MDGA2: variants seen among roughly 807,000 people sequenced by gnomAD.
The protein encoded by MDGA2 is MAM domain-containing glycosylphosphatidylinositol anchor protein 2.
A neutral mutation model predicts 117.8 loss-of-function variants in MDGA2; 40 were observed. That is an observed-to-expected ratio of 0.34 (90% confidence interval 0.26 to 0.44). The LOEUF is 0.44. Ranked by LOEUF, MDGA2 falls within the 20% of genes least tolerant of loss-of-function variation. The probability of loss-of-function intolerance (pLI) is 1.00; values close to 1 mark genes in which losing one functional copy is unlikely to be tolerated. For missense variants in MDGA2, 1,123 were observed against 1,250.6 expected, an observed-to-expected ratio of 0.90 and a Z score of 1.54; for synonymous variants, 452 against 439.0, an observed-to-expected ratio of 1.03 and a Z score of -0.37.
At chr14:47,139,359 G>A (rs1028455663) in intron 4 of MDGA2, among the ~76,000 whole-genome samples, 1 of 151,976 alleles carries the variant, frequency 6.6e-6, no homozygotes, top group Non-Finnish European at 1.5e-5. Context: ...TCCACCTTGA[G>A]TGCTCCCTCC....
At chr14:47,288,595 T>C (rs1196598407) in intron 2 of MDGA2, among the ~76,000 whole-genome samples, 1 of 152,144 alleles carries the variant, frequency 6.6e-6, no homozygotes, top group Non-Finnish European at 1.5e-5. Flanking sequence ...GGCCAGGTTG[T>C]AGAAGATAAT....
At chr14:47,416,188 C>T (rs1012459333) in intron 1 of MDGA2, among the ~76,000 whole-genome samples, 1 of 152,038 alleles carries the variant, frequency 6.6e-6, no homozygotes, top group Admixed American at 6.6e-5. Flanking sequence ...TATACTTCAT[C>T]CTGAGGGAAA....
intron 1 of MDGA2, among the ~76,000 whole-genome samples, chr14:47,663,629 C>A (rs1216327256): frequency 6.6e-6 from 1 of 152,154 alleles, no homozygotes; most frequent in East Asian, 1.9e-4. Flanking sequence ...TCAGTTAATT[C>A]TAATTTAAAA....
intron 14 of MDGA2, among the ~76,000 whole-genome samples, chr14:46,870,544 G>C (rs898758349): frequency 3.3e-5 from 5 of 151,884 alleles, no homozygotes; most frequent in Non-Finnish European, 5.9e-5. Context: ...TCAATGTCTG[G>C]ACCAGGTATT....
intron 1 of MDGA2, among the ~76,000 whole-genome samples, chr14:47,355,525 C>T (rs375168120): frequency 2.6e-5 from 4 of 151,998 alleles, no homozygotes; most frequent in South Asian, 2.1e-4. Flanking sequence ...TGTTTTATGG[C>T]CCTGTACCAG....
intron 8 of MDGA2, among the ~76,000 whole-genome samples, chr14:46,981,376 C>T (rs188248210): frequency 3.2e-4 from 48 of 152,030 alleles, no homozygotes; most frequent in African/African-American, 1.2e-3. Flanking sequence ...TGCACTCCAG[C>T]CTGGGTGACA....
At chr14:47,583,876 C>T (rs558833000) in intron 1 of MDGA2, among the ~76,000 whole-genome samples, 85 of 151,782 alleles carry the variant, frequency 5.6e-4, no homozygotes, top group South Asian at 1.5e-3. Flanking sequence ...ACTTTAAATC[C>T]ACATAATCCT....
chr14:47,017,178 T>G (rs1444404325), intron 8 of MDGA2, among the ~76,000 whole-genome samples: 1 of 151,856 alleles, frequency 6.6e-6, no homozygotes, highest in Non-Finnish European at 1.5e-5. Context: ...AACATTTTCC[T>G]GACTTCATGC....
chr14:47,306,453 C>T (rs1889447709), intron 1 of MDGA2, among the ~76,000 whole-genome samples: 2 of 152,062 alleles, frequency 1.3e-5, no homozygotes, highest in South Asian at 2.1e-4. Context: ...TCAGTAATGG[C>T]GATGCTTCCT....
intron 1 of MDGA2, among the ~76,000 whole-genome samples, chr14:47,534,761 T>C (rs576210449): frequency 2.0e-5 from 3 of 152,292 alleles, no homozygotes; most frequent in Admixed American, 6.5e-5. Flanking sequence ...GTCTGGTATA[T>C]TGCGGCACCA....
chr14:46,983,983 T>C (rs17117874), intron 8 of MDGA2, among the ~76,000 whole-genome samples: 5,898 of 152,052 alleles, frequency 0.039, 382 homozygotes, highest in African/African-American at 0.14. Context: ...TGATTGATGT[T>C]ACAAGTGCAA....
intron 10 of MDGA2, among the ~76,000 whole-genome samples, chr14:46,882,857 G>A (rs1595018626): frequency 1.3e-5 from 2 of 152,034 alleles, no homozygotes; most frequent in African/African-American, 4.8e-5. Context: ...AGGAAGTTAA[G>A]ATGAAGGGTA....
chr14:47,178,398 G>T (rs2139359202), intron 3 of MDGA2, among the ~76,000 whole-genome samples: 1 of 152,180 alleles, frequency 6.6e-6, no homozygotes, highest in African/African-American at 2.4e-5. Flanking sequence ...ATTTAAAGCT[G>T]GGACTATGCC....
intron 1 of MDGA2, among the ~76,000 whole-genome samples, chr14:47,409,075 G>C (rs1260403902): frequency 6.6e-6 from 1 of 152,006 alleles, no homozygotes; most frequent in South Asian, 2.1e-4. Flanking sequence ...CCAGAAAGGC[G>C]GGGGGGACTG....
intron 3 of MDGA2, among the ~76,000 whole-genome samples, chr14:47,209,960 C>G (rs577779158): frequency 6.6e-6 from 1 of 152,108 alleles, no homozygotes; most frequent in African/African-American, 2.4e-5. Flanking sequence ...GGGTTTGTCA[C>G]GTTTCCAGAA....
At chr14:47,655,071 T>G (rs966430023) in intron 1 of MDGA2, among the ~76,000 whole-genome samples, 2 of 152,136 alleles carry the variant, frequency 1.3e-5, no homozygotes, top group Admixed American at 6.6e-5. Flanking sequence ...GCACATTTTA[T>G]AGTCCTCATT....
intron 3 of MDGA2, among the ~76,000 whole-genome samples, chr14:47,149,415 T>C (rs1356588666): frequency 6.6e-6 from 1 of 152,234 alleles, no homozygotes; most frequent in Non-Finnish European, 1.5e-5. Flanking sequence ...GCCAATTCTA[T>C]AATAGCATCT....
At position 47,556,274 on chromosome 14, in the gene MDGA2, A is replaced by G. The variant is rs1022258463; in HGVS notation, c.280+118243T>C. Among the ~76,000 whole-genome samples the G allele has an allele frequency of 8.5e-5, 13 of 152,246 alleles. No individual in the cohort carries two copies. The East Asian group carries it at 2.1e-3, about 25-fold the overall frequency. The stretch of plus-strand genomic sequence containing the variant: ...AGACAGTGACATTTAAGACTCCACA[A>G]TCTGATCTATCCCAACTATCAGAAC... On this transcript the variant is annotated intron_variant, in intron 1 of 16. Transcript: ENST00000399232.
At chr14:47,109,625 G>A (rs894638467) in intron 5 of MDGA2, among the ~76,000 whole-genome samples, 3 of 152,148 alleles carry the variant, frequency 2.0e-5, no homozygotes, top group Admixed American at 2.0e-4. Flanking sequence ...CTCCATCTAA[G>A]CTCTGAGTAT....
Sources: allele counts gnomAD v4.1 joint callset (sites outside exome capture counted in the v4.1 genomes callset), GRCh38; gene constraint gnomAD v4.1.1; transcripts MANE v1.5; gene names NCBI Gene and HGNC (gene_info 2026-07-23, HGNC 2026-07-21).